RGS22: variants seen among roughly 807,000 people sequenced by gnomAD.
RGS22 encodes the protein regulator of G protein signaling 22.
In RGS22, 148 loss-of-function variants were observed where a neutral mutation model predicts 172.9. That is an observed-to-expected ratio of 0.86 (90% CI 0.75 to 0.98). The LOEUF (loss-of-function observed/expected upper bound fraction) is 0.98. RGS22 is among the 50% of genes least tolerant of loss of function. RGS22 has a pLI of 0.00. For synonymous variants in RGS22, 458 were observed against 480.2 expected, an observed-to-expected ratio of 0.95 and a Z score of 0.60; for missense variants, 1,347 against 1,440.8, an observed-to-expected ratio of 0.93 and a Z score of 1.05.
At chr8:100,039,820 A>T in intron 13 of RGS22, 142 bp downstream of exon 13, 2 of 460,892 alleles carry the variant, frequency 4.3e-6, no homozygotes, top group South Asian at 1.2e-4. Context: ...TTAAATATTT[A>T]CTAAATATTA....
intron 14 of RGS22, among the ~76,000 whole-genome samples, chr8:100,011,039 A>G (rs1816325624): frequency 6.6e-6 from 1 of 151,914 alleles, no homozygotes; most frequent in Non-Finnish European, 1.5e-5. Flanking sequence ...CCCAAGCAGA[A>G]GCAAAACACA....
At chr8:100,103,713 A>G (rs1813684348) in intron 2 of RGS22, among the ~76,000 whole-genome samples, 1 of 152,174 alleles carries the variant, frequency 6.6e-6, no homozygotes, top group Non-Finnish European at 1.5e-5. Context: ...AGAATCCTGA[A>G]GGTCAATACT....
chr8:100,041,699 T>C (rs1820143923), intron 12 of RGS22, 103 bp downstream of exon 12: 3 of 638,756 alleles, frequency 4.7e-6, no homozygotes, highest in Non-Finnish European at 5.3e-6. Flanking sequence ...TGTTGCTTAG[T>C]AAAGAAAAAA....
At chr8:100,082,525 G>A (rs141188488) in intron 3 of RGS22, among the ~76,000 whole-genome samples, 6 of 152,256 alleles carry the variant, frequency 3.9e-5, no homozygotes, top group South Asian at 2.1e-4. Context: ...GTTAAAGGTC[G>A]TGATGGACAC....
chr8:100,041,931 T>C lies in RGS22; in HGVS notation c.1824-15A>G. 1 of 1,520,112 alleles carries C rather than the reference T, an allele frequency of 6.6e-7. No individual in the cohort carries two copies. The highest frequency in any genetic ancestry group is 9.1e-7 in the Non-Finnish European group (1 of 1,096,872). 94.2% of individuals were successfully genotyped at this position (1,520,112 alleles called of 1,614,324 possible). A position where few individuals can be genotyped will look rare whatever the true frequency, so the allele number is the denominator to read the frequency against. On this transcript the variant is annotated splice_polypyrimidine_tract_variant and intron_variant, in intron 11 of 27. Coordinates refer to ENST00000360863, the MANE Select transcript of RGS22 (RefSeq NM_015668.5). ...TGTACTTTGACCTAAATTATAAGGATGAGAACTAAAATTATAAGAATGAGA... is the reference window on the plus strand; with the variant it reads ...TGTACTTTGACCTAAATTATAAGGACGAGAACTAAAATTATAAGAATGAGA...
intron 3 of RGS22, among the ~76,000 whole-genome samples, chr8:100,087,542 C>T (rs1812255056): frequency 6.6e-6 from 1 of 152,064 alleles, no homozygotes; most frequent in Non-Finnish European, 1.5e-5. Context: ...TAGTGACGTA[C>T]TTAAACTGCC....
At chr8:100,047,645 C>A in intron 10 of RGS22, 49 bp from the exon 11 acceptor site, 1 of 1,514,598 alleles carries the variant, frequency 6.6e-7, no homozygotes, top group Non-Finnish European at 8.8e-7. Flanking sequence ...GAAAAAAGCA[C>A]AGCTCTGCAC....
chr8:99,972,636 C>A (rs1310416202), intron 23 of RGS22, among the ~76,000 whole-genome samples: 2 of 152,080 alleles, frequency 1.3e-5, no homozygotes, highest in African/African-American at 4.8e-5. Flanking sequence ...ATGTGGCCAA[C>A]AAACATATGA....
chr8:100,064,976 T>C (rs1441135784), intron 7 of RGS22, among the ~76,000 whole-genome samples: 1 of 152,216 alleles, frequency 6.6e-6, no homozygotes, highest in African/African-American at 2.4e-5. Context: ...TTTCTAAAGA[T>C]ATAGTATTCA....
chr8:100,051,832 A>AATAT lies in RGS22; in HGVS notation c.1689+969_1689+970insATAT, dbSNP rs1458095136. On this transcript the variant is annotated intron_variant, in intron 10 of 27. Transcript: ENST00000360863. ...AAATGTTTATATATATTTATATATA[A>AATAT]ATGTTTATATATTTATATATTTATA... Among the ~76,000 whole-genome samples, 33 of 53,100 alleles carry AATAT rather than the reference A, an allele frequency of 6.2e-4. 9 individuals carry two copies. Among genetic ancestry groups the AATAT allele is most frequent in the African/African-American group, 2.4e-3 (33 of 13,892 alleles). 34.8% of individuals were successfully genotyped at this position (53,100 alleles called of 152,430 possible). A position where few individuals can be genotyped will look rare whatever the true frequency, so the allele number is the denominator to read the frequency against.
chr8:99,976,143 T>C (rs1346472210), intron 23 of RGS22, among the ~76,000 whole-genome samples: 1 of 151,730 alleles, frequency 6.6e-6, no homozygotes, highest in African/African-American at 2.4e-5. Context: ...TGAGCTGAGA[T>C]TGCACCACTG....
intron 3 of RGS22, among the ~76,000 whole-genome samples, chr8:100,087,549 T>C (rs977995684): frequency 6.6e-6 from 1 of 152,152 alleles, no homozygotes; most frequent in Admixed American, 6.6e-5. Flanking sequence ...GTACTTAAAC[T>C]GCCAGCCCAG....
In RGS22 at chr8:99,986,180, T is replaced by A. The variant is rs988147494; in HGVS notation, c.3180+1278A>T. Among the ~76,000 whole-genome samples, 6 of 152,136 alleles carry A rather than the reference T, an allele frequency of 3.9e-5. No homozygotes were observed. In the South Asian group the frequency reaches 1.2e-3, roughly 32 times the overall value. The stretch of plus-strand genomic sequence containing the variant: ...AGCAGGTCAAGGCTGCAGTGAGCTG[T>A]CATTGTGCTACTGTACTCCAGCCTG... On this transcript the variant is annotated intron_variant, in intron 21 of 27. Transcript: ENST00000360863.
intron 14 of RGS22, among the ~76,000 whole-genome samples, chr8:100,036,693 G>A (rs771182510): frequency 2.6e-5 from 4 of 152,024 alleles, no homozygotes; most frequent in African/African-American, 4.8e-5. Flanking sequence ...TGAACTCCTG[G>A]GCTCAAGCGA....
intron 3 of RGS22, among the ~76,000 whole-genome samples, chr8:100,087,178 A>G (rs543757686): frequency 6.6e-6 from 1 of 152,296 alleles, no homozygotes; most frequent in South Asian, 2.1e-4. Context: ...GACAGAAATG[A>G]ATGATGTAGA....
chr8:100,066,492 A>AT (rs1031829710), intron 6 of RGS22, among the ~76,000 whole-genome samples, 196 bp from the exon 7 acceptor site: 3 of 151,664 alleles, frequency 2.0e-5, no homozygotes, highest in Non-Finnish European at 2.9e-5. Context: ...TTCAATCCAG[A>AT]TTTTTTTTTC....
intron 14 of RGS22, among the ~76,000 whole-genome samples, chr8:100,009,404 G>A (rs1458801182): frequency 7.6e-6 from 1 of 131,226 alleles, no homozygotes; most frequent in Non-Finnish European, 1.6e-5. Context: ...CAGCCTGGGT[G>A]ACAAAGTGAG....
At position 99,978,010 on chromosome 8, in the gene RGS22, T is replaced by G. The variant is rs761666260; in HGVS notation, c.3426A>C (p.Thr1142=). ...PQFCEFRKNL[T]DENIMSVLER... is the part of the protein sequence containing the mutation. ...CTAAAACACTCATAATATTTTCATC[T>G]GTTAAATTCTTCCTAAACTCACAGA... Residue 1142 remains threonine, a synonymous_variant, in exon 23 of 28, where the codon ACA becomes ACC. Coordinates refer to ENST00000360863, the MANE Select transcript of RGS22 (RefSeq NM_015668.5). The G allele has an allele frequency of 6.5e-7, 1 of 1,549,446 alleles. No homozygotes were observed. The highest frequency in any genetic ancestry group is 1.3e-5 in the South Asian group (1 of 78,208).
rs560516115 is a variant in RGS22, at chr8:99,980,573, A to G, written c.3360+1364T>C. 4.6e-5 allele frequency among the ~76,000 whole-genome samples: 7 copies of G among 152,354 alleles called. No homozygotes were observed. The East Asian group carries it at 1.4e-3, about 29-fold the overall frequency. ...ATTCTCTAAACTTCCTTGGGAAAACAGGAATAACAACAGATTCAGTGTGAT... is the reference window on the plus strand; with the variant it reads ...ATTCTCTAAACTTCCTTGGGAAAACGGGAATAACAACAGATTCAGTGTGAT... On this transcript the variant is annotated intron_variant, in intron 22 of 27. Transcript: ENST00000360863.
Sources: gnomAD v4.1 joint callset for allele counts (sites outside exome capture counted in the v4.1 genomes callset) on GRCh38, gnomAD v4.1.1 for gene constraint, MANE v1.5 for transcripts, NCBI Gene and HGNC (gene_info 2026-07-23, HGNC 2026-07-21) for gene names.